The following SGCZ variants were observed in gnomAD, a reference collection of about 807,000 sequenced individuals.
The protein encoded by SGCZ is zeta-sarcoglycan.
SGCZ carries 40 observed loss-of-function variants against 41.3 expected under a neutral mutation model. The observed-to-expected ratio is 0.97, with a 90% confidence interval of 0.75 to 1.26. The LOEUF (loss-of-function observed/expected upper bound fraction) is 1.26, where lower values mean the gene tolerates loss of function less well. SGCZ is among the 50% of genes most tolerant of loss of function. The pLI is 0.00. For missense variants in SGCZ, 552 were observed against 369.8 expected, an observed-to-expected ratio of 1.49 and a Z score of -4.04; for synonymous variants, 206 against 137.5, an observed-to-expected ratio of 1.50 and a Z score of -3.49.
At chr8:15,096,907 G>C (rs1354201513) in intron 1 of SGCZ, among the ~76,000 whole-genome samples, 3 of 152,006 alleles carry the variant, frequency 2.0e-5, no homozygotes, top group African/African-American at 7.2e-5. Context: ...GGATAGTCTT[G>C]ATCTTCTGAC....
chr8:14,637,720 T>C (rs184092744), intron 1 of SGCZ, among the ~76,000 whole-genome samples: 1 of 151,864 alleles, frequency 6.6e-6, no homozygotes, highest in Non-Finnish European at 1.5e-5. Flanking sequence ...TCTAACCCAC[T>C]GTCAATGAGC....
At chr8:14,180,184 G>A (rs553557584) in intron 4 of SGCZ, among the ~76,000 whole-genome samples, 63 of 152,300 alleles carry the variant, frequency 4.1e-4, no homozygotes, top group African/African-American at 1.4e-3. Flanking sequence ...AAAACAGTCT[G>A]TCACAATAAA....
chr8:14,399,459 A>G (rs2410189), intron 2 of SGCZ, among the ~76,000 whole-genome samples: 56,051 of 151,768 alleles, frequency 0.37, 11,236 homozygotes, highest in African/African-American at 0.54. Flanking sequence ...TGTCTTTCTC[A>G]TGGTTTGATT....
At chr8:14,783,733 G>C (rs546424109) in intron 1 of SGCZ, among the ~76,000 whole-genome samples, 1 of 151,986 alleles carries the variant, frequency 6.6e-6, no homozygotes, top group South Asian at 2.1e-4. Context: ...TTTTCTATCT[G>C]GGATAATAAA....
intron 2 of SGCZ, among the ~76,000 whole-genome samples, chr8:14,359,510 C>G (rs1015080477): frequency 6.6e-6 from 1 of 151,798 alleles, no homozygotes; most frequent in African/African-American, 2.4e-5. Context: ...TTCCAAAAAA[C>G]TGAAATAATA....
chr8:14,490,544 C>T (rs560905736), intron 2 of SGCZ, among the ~76,000 whole-genome samples: 5 of 152,262 alleles, frequency 3.3e-5, no homozygotes, highest in East Asian at 1.9e-4. Flanking sequence ...CTTTGTCTCT[C>T]GTCTCTCTCT....
At chr8:14,829,840 C>A (rs184708719) in intron 1 of SGCZ, among the ~76,000 whole-genome samples, 3 of 152,130 alleles carry the variant, frequency 2.0e-5, no homozygotes, top group Non-Finnish European at 4.4e-5. Context: ...TGGACGGATT[C>A]TCGCTCTGTC....
At chr8:14,663,073 T>C (rs1308458902) in intron 1 of SGCZ, among the ~76,000 whole-genome samples, 1 of 152,152 alleles carries the variant, frequency 6.6e-6, no homozygotes, top group African/African-American at 2.4e-5. Context: ...AACAACTTGA[T>C]CTTAGCCTCG....
intron 1 of SGCZ, among the ~76,000 whole-genome samples, chr8:15,096,678 T>TTTTTATTTTA: frequency 6.6e-6 from 1 of 152,096 alleles, no homozygotes; most frequent in African/African-American, 2.4e-5. Flanking sequence ...TTATGTTACC[T>TTTTTATTTTA]TTTTATTTTA....
intron 1 of SGCZ, among the ~76,000 whole-genome samples, chr8:14,751,280 T>G (rs974748570): frequency 1.3e-5 from 2 of 152,160 alleles, no homozygotes; most frequent in Non-Finnish European, 2.9e-5. Context: ...ACAAGAAAAG[T>G]TGGAATCAGT....
chr8:14,999,317 C>T (rs751913441), intron 1 of SGCZ, among the ~76,000 whole-genome samples: 4 of 152,178 alleles, frequency 2.6e-5, no homozygotes, highest in Admixed American at 6.5e-5. Context: ...TGCTGAGATA[C>T]GTGTTAATTC....
intron 1 of SGCZ, among the ~76,000 whole-genome samples, chr8:14,964,903 T>A (rs945284611): frequency 6.6e-6 from 1 of 152,264 alleles, no homozygotes; most frequent in South Asian, 2.1e-4. Context: ...TCATTTAGCA[T>A]CTTTTGAACT....
rs185174348 is a variant in SGCZ at position 14,913,643 on chromosome 8, G to C, written c.39+323942C>G. 1.2e-4 allele frequency among the ~76,000 whole-genome samples: 18 copies of C among 152,016 alleles called. No homozygotes were observed. The East Asian group carries it at 2.9e-3, about 24-fold the overall frequency. ...TAATATACATTAATTTAATTTTCAT[G>C]ATCCTTAGAAAAATCTATTTTATGC... On this transcript the variant is annotated intron_variant, in intron 1 of 7. Coordinates refer to ENST00000382080, the MANE Select transcript of SGCZ (RefSeq NM_139167.4).
intron 5 of SGCZ, among the ~76,000 whole-genome samples, chr8:14,148,405 C>G (rs951803781): frequency 6.6e-6 from 1 of 151,952 alleles, no homozygotes; most frequent in African/African-American, 2.4e-5. Context: ...CTATGAGCAA[C>G]TATATGACAA....
chr8:14,937,764 GTTT>G (rs1330960036), intron 1 of SGCZ, among the ~76,000 whole-genome samples: 1 of 151,706 alleles, frequency 6.6e-6, no homozygotes, highest in East Asian at 1.9e-4. Flanking sequence ...TTTTTTCTCA[GTTT>G]TGTTTTTAAA....
chr8:14,662,433 C>G (rs1331893371), intron 1 of SGCZ, among the ~76,000 whole-genome samples: 1 of 152,136 alleles, frequency 6.6e-6, no homozygotes, highest in Non-Finnish European at 1.5e-5. Context: ...TGTGAGGCTC[C>G]TAATGAATAT....
rs574064150 is a variant in SGCZ at position 15,221,171 on chromosome 8, A to G, written c.39+16414T>C. On this transcript the variant is annotated intron_variant, in intron 1 of 7. Transcript: ENST00000382080. ...AGAACTTAAAAAAGAAAAGAAAATTACATAAGCAAATAATTACATTTACTC... is the reference window on the plus strand; with the variant it reads ...AGAACTTAAAAAAGAAAAGAAAATTGCATAAGCAAATAATTACATTTACTC... Among the ~76,000 whole-genome samples, 19 of 152,302 alleles carry G rather than the reference A, an allele frequency of 1.2e-4. No homozygotes were observed. The South Asian group carries it at 3.9e-3, about 32-fold the overall frequency.
intron 3 of SGCZ, among the ~76,000 whole-genome samples, chr8:14,279,041 ATGTG>A (rs2117283655): frequency 1.3e-5 from 2 of 152,192 alleles, no homozygotes; most frequent in African/African-American, 4.8e-5. Context: ...AAATAAAATA[ATGTG>A]ATAGGAAGAT....
At chr8:15,017,250 G>A (rs577933043) in intron 1 of SGCZ, among the ~76,000 whole-genome samples, 8 of 152,164 alleles carry the variant, frequency 5.3e-5, no homozygotes, top group African/African-American at 1.9e-4. Context: ...CCATATGAGA[G>A]AATTTTTATA....
Sources: allele counts gnomAD v4.1 joint callset (sites outside exome capture counted in the v4.1 genomes callset), GRCh38; gene constraint gnomAD v4.1.1; transcripts MANE v1.5; gene names NCBI Gene and HGNC (gene_info 2026-07-23, HGNC 2026-07-21).